Variants in C5orf15 observed in about 807,000 individuals in gnomAD.
The protein encoded by C5orf15 is keratinocyte-associated transmembrane protein 2.
In C5orf15, 10 loss-of-function variants were observed where a neutral mutation model predicts 17.8. The ratio of observed to expected loss-of-function variants is 0.56; its 90% CI spans 0.35 to 0.95. The LOEUF (loss-of-function observed/expected upper bound fraction) is 0.95. C5orf15 is among the 40% of genes least tolerant of loss of function. The pLI is 0.02. For synonymous variants in C5orf15, 124 were observed against 131.0 expected (o/e 0.95, Z 0.36); for missense variants, 319 against 331.7 (o/e 0.96, Z 0.30).
At chr5:133,957,681 G>A (rs1284398456) in intron 2 of C5orf15, among the ~76,000 whole-genome samples, 1 of 151,304 alleles carries the variant, frequency 6.6e-6, no homozygotes, top group African/African-American at 2.4e-5. Context: ...AGAGTTGGTT[G>A]GTTTGCTTTT....
intron 2 of C5orf15, 46 bp downstream of exon 2, chr5:133,959,448 G>T: frequency 2.8e-6 from 1 of 354,448 alleles, no homozygotes; most frequent in Non-Finnish European, 4.7e-6. Flanking sequence ...ATCATCAAAA[G>T]CATTATGACT....
chr5:133,957,450 T>C (rs1446928034), intron 2 of C5orf15, among the ~76,000 whole-genome samples: 2 of 152,096 alleles, frequency 1.3e-5, no homozygotes, highest in Non-Finnish European at 2.9e-5. Flanking sequence ...TATATAGGAA[T>C]GTTTGTTAAA....
At chr5:133,962,295 T>C (rs1024685163) in intron 1 of C5orf15, among the ~76,000 whole-genome samples, 1 of 152,146 alleles carries the variant, frequency 6.6e-6, no homozygotes, top group Non-Finnish European at 1.5e-5. Context: ...TCTTTCACCC[T>C]TTGCTTTCTT....
chr5:133,956,737 C>T lies in C5orf15; in HGVS notation c.*122G>A, dbSNP rs1435559627. The T allele has an allele frequency of 1.0e-6, 1 of 980,784 alleles. No homozygotes were observed. The highest frequency in any genetic ancestry group is 1.4e-6 in the Non-Finnish European group (1 of 704,356). The allele number at this position is 980,784 out of a possible 1,614,324, so 60.8% of individuals were successfully genotyped here. A position where few individuals can be genotyped will look rare whatever the true frequency, so the allele number is the denominator to read the frequency against. Reference sequence around the variant, plus strand: ...TTTGTGACATTTAATTTCCAAAGCACCAAGGCAAAAGAGAGACTCACCTCT... The same window carrying T: ...TTTGTGACATTTAATTTCCAAAGCATCAAGGCAAAAGAGAGACTCACCTCT... On this transcript the variant is annotated 3_prime_UTR_variant, in exon 3 of 3. Coordinates refer to ENST00000231512, the MANE Select transcript of C5orf15 (RefSeq NM_020199.3).
At chr5:133,959,265 GA>G (rs987621222) in intron 2 of C5orf15, among the ~76,000 whole-genome samples, 1 of 151,832 alleles carries the variant, frequency 6.6e-6, no homozygotes, top group African/African-American at 2.4e-5. Context: ...GTGGTAGTGT[GA>G]ATCTGTAGTC....
intron 1 of C5orf15, chr5:133,967,575 TA>T (rs1345556394): frequency 6.6e-6 from 1 of 152,186 alleles, no homozygotes; most frequent in Non-Finnish European, 1.5e-5. Flanking sequence ...AATTTCTCAA[TA>T]AAAGCCTTCA....
At position 133,956,551 on chromosome 5, in the gene C5orf15, T is replaced by C. The variant is rs933621892; in HGVS notation, c.*308A>G. ...ATATGTCAGAATTTAGTTACAAGTT[T>C]GGGATCTTTTAAAAGTAGCATCACT... is the stretch of plus-strand genomic sequence containing the variant. On this transcript the variant is annotated 3_prime_UTR_variant, in exon 3 of 3. Coordinates refer to ENST00000231512, the MANE Select transcript of C5orf15 (RefSeq NM_020199.3). 5.6e-6 allele frequency: 1 copy of C among 178,070 alleles called. No individual in the cohort carries two copies. Among genetic ancestry groups the C allele is most frequent in the Non-Finnish European group, 1.2e-5 (1 of 85,652 alleles). The allele number at this position is 178,070 out of a possible 1,614,324, so 11.0% of individuals were successfully genotyped here. A position where few individuals can be genotyped will look rare whatever the true frequency, so the allele number is the denominator to read the frequency against.
chr5:133,965,703 A>G (rs1293881806), intron 1 of C5orf15, among the ~76,000 whole-genome samples: 1 of 152,208 alleles, frequency 6.6e-6, no homozygotes, highest in East Asian at 1.9e-4. Flanking sequence ...GGGCAAGTGG[A>G]TCGCTTAAGC....
At chr5:133,960,046 T>C (rs1314119539) in intron 1 of C5orf15, 26 bp from the exon 2 acceptor site, 8 of 1,553,646 alleles carry the variant, frequency 5.1e-6, no homozygotes, top group Non-Finnish European at 7.0e-6. Context: ...AATATCAAAC[T>C]GAAATCTCCA....
intron 1 of C5orf15, among the ~76,000 whole-genome samples, chr5:133,963,536 C>G (rs1451803566): frequency 1.3e-5 from 2 of 152,162 alleles, no homozygotes; most frequent in Non-Finnish European, 2.9e-5. Context: ...CTGGGTAGAA[C>G]AGTTAGAGAC....
At chr5:133,957,428 C>A (rs1273129473) in intron 2 of C5orf15, among the ~76,000 whole-genome samples, 3 of 151,480 alleles carry the variant, frequency 2.0e-5, no homozygotes, top group South Asian at 4.2e-4. Flanking sequence ...CAGTGCTTCT[C>A]AAATTTCAAT....
At chr5:133,959,049 T>C (rs1448440823) in intron 2 of C5orf15, among the ~76,000 whole-genome samples, 1 of 152,072 alleles carries the variant, frequency 6.6e-6, no homozygotes, top group Non-Finnish European at 1.5e-5. Context: ...AATATTTTAC[T>C]ATGAATTTAA....
intron 1 of C5orf15, among the ~76,000 whole-genome samples, chr5:133,968,050 T>A (rs1171653990): frequency 6.6e-6 from 1 of 151,886 alleles, no homozygotes; most frequent in Non-Finnish European, 1.5e-5. Flanking sequence ...CCTCAGCCCC[T>A]GTCGCCACCC....
Position 133,968,580 on chromosome 5 carries a change from G to C in C5orf15, c.5C>G (p.Ala2Gly). 6.2e-7 allele frequency: 1 copy of C among 1,609,068 alleles called. No homozygotes were observed. Among genetic ancestry groups the C allele is most frequent in the Non-Finnish European group, 8.5e-7 (1 of 1,178,098 alleles). M[A>G]AAVPKRMRGP... ...CCTCATCCTCTTCGGGACGGCAGCG[G>C]CCATAACGGACTCGGCTGGGAGCCT... Residue 2 changes from alanine to glycine, a missense_variant, in exon 1 of 3, where the codon GCC becomes GGC. This residue lies in a region of C5orf15 where 127 missense variants were observed against 95.6 expected (regional missense o/e 1.33). Coordinates refer to ENST00000231512, the MANE Select transcript of C5orf15 (RefSeq NM_020199.3).
At chr5:133,962,423 C>T (rs532237391) in intron 1 of C5orf15, among the ~76,000 whole-genome samples, 1 of 152,298 alleles carries the variant, frequency 6.6e-6, no homozygotes, top group African/African-American at 2.4e-5. Flanking sequence ...GCACAGTTCT[C>T]CTCCTCATTG....
chr5:133,962,316 A>T (rs1752135603), intron 1 of C5orf15, among the ~76,000 whole-genome samples: 1 of 152,148 alleles, frequency 6.6e-6, no homozygotes, highest in Admixed American at 6.5e-5. Flanking sequence ...GTTATTACTG[A>T]AACCTGACTC....
At chr5:133,964,046 A>G (rs1213707506) in intron 1 of C5orf15, among the ~76,000 whole-genome samples, 1 of 152,106 alleles carries the variant, frequency 6.6e-6, no homozygotes, top group Admixed American at 6.5e-5. Context: ...GTGAAACCCC[A>G]TCTCTACCAA....
chr5:133,968,439 C>G lies in C5orf15; in HGVS notation c.139+7G>C, dbSNP rs754358610. On this transcript the variant is annotated splice_region_variant and intron_variant, in intron 1 of 2. Transcript: ENST00000231512. The stretch of plus-strand genomic sequence containing the variant: ...CTTCCTAAGCCCACACTGCCGCCCC[C>G]CTTTACCACTGGATAGAGCGGCGGA... 6.4e-5 allele frequency: 103 copies of G among 1,603,310 alleles called. No homozygotes were observed. The highest frequency in any genetic ancestry group is 3.6e-4 in the African/African-American group (27 of 74,710).
rs1752047582 is a variant in C5orf15, at chr5:133,956,759, C to G, written c.*100G>C. ...GCACCAAGGCAAAAGAGAGACTCAC[C>G]TCTCATTTAAGTACCAATTGCCTAT... On this transcript the variant is annotated 3_prime_UTR_variant, in exon 3 of 3. Transcript: ENST00000231512. 3 of 1,213,638 alleles carry G rather than the reference C, an allele frequency of 2.5e-6. No homozygotes were observed. The highest frequency in any genetic ancestry group is 3.3e-6 in the Non-Finnish European group (3 of 895,750). 75.2% of individuals were successfully genotyped at this position (1,213,638 alleles called of 1,614,324 possible).
Sources: gnomAD v4.1 joint callset for allele counts (sites outside exome capture counted in the v4.1 genomes callset) on GRCh38, gnomAD v4.1.1 for gene constraint, gnomAD v4.1.1 regional missense constraint, MANE v1.5 for transcripts, NCBI Gene and HGNC (gene_info 2026-07-23, HGNC 2026-07-21) for gene names.